TENM4: variants seen among roughly 807,000 people sequenced by gnomAD.
TENM4 encodes teneurin transmembrane protein 4, also known as teneurin-4.
In TENM4, 82 loss-of-function variants were observed where a neutral mutation model predicts 243.3. The observed-to-expected ratio is 0.34, with a 90% CI of 0.28 to 0.40. The LOEUF (loss-of-function observed/expected upper bound fraction) is 0.40, where lower values mean the gene tolerates loss of function less well. Among genes scored for constraint, TENM4 ranks in the 10% least tolerant of loss-of-function variants. The pLI is 1.00. For missense variants in TENM4, 3,138 were observed against 3,673.3 expected, an observed-to-expected ratio of 0.85 and a Z score of 3.77; for synonymous variants, 1,412 against 1,456.3, an observed-to-expected ratio of 0.97 and a Z score of 0.69.
chr11:78,995,931 A>G (rs1858162345), intron 6 of TENM4, among the ~76,000 whole-genome samples: 1 of 152,158 alleles, frequency 6.6e-6, no homozygotes, highest in Non-Finnish European at 1.5e-5. Flanking sequence ...AGTAAGACTC[A>G]TAAGAGATCA....
intron 12 of TENM4, among the ~76,000 whole-genome samples, chr11:78,818,922 T>C (rs1857665553): frequency 6.6e-6 from 1 of 151,414 alleles, no homozygotes; most frequent in African/African-American, 2.4e-5. Flanking sequence ...ATGGGGCCTT[T>C]CCCCCAGCTT....
At chr11:78,661,713 G>A in intron 32 of TENM4, 122 bp from the exon 33 acceptor site, 6 of 1,289,326 alleles carry the variant, frequency 4.7e-6, no homozygotes, top group Non-Finnish European at 6.4e-6. Flanking sequence ...GCTGCTGGTG[G>A]GAGAGTCAAC....
At chr11:79,394,524 T>C (rs1858301414) in intron 1 of TENM4, among the ~76,000 whole-genome samples, 1 of 152,230 alleles carries the variant, frequency 6.6e-6, no homozygotes, top group Non-Finnish European at 1.5e-5. Flanking sequence ...AATGCAATCA[T>C]CACTGTCGCA....
chr11:78,829,980 G>T (rs1857940921), intron 12 of TENM4, among the ~76,000 whole-genome samples: 1 of 152,190 alleles, frequency 6.6e-6, no homozygotes, highest in African/African-American at 2.4e-5. Context: ...ACACAGTACT[G>T]GCTTATATCA....
chr11:79,057,076 C>T (rs1859963251), intron 6 of TENM4, among the ~76,000 whole-genome samples: 1 of 152,216 alleles, frequency 6.6e-6, no homozygotes, highest in Non-Finnish European at 1.5e-5. Flanking sequence ...GCCCATTCCT[C>T]ACCTATGGCT....
intron 1 of TENM4, among the ~76,000 whole-genome samples, chr11:79,354,891 C>T (rs1857471221): frequency 6.6e-6 from 1 of 152,098 alleles, no homozygotes; most frequent in African/African-American, 2.4e-5. Context: ...TCTATGTGTG[C>T]AGTGTGTTGG....
intron 15 of TENM4, among the ~76,000 whole-genome samples, chr11:78,803,292 G>C (rs1348086595): frequency 1.3e-5 from 2 of 152,106 alleles, no homozygotes; most frequent in African/African-American, 2.4e-5. Context: ...GCCTCCCAAA[G>C]TGCTGGGATT....
chr11:79,309,658 A>T (rs527566077), intron 1 of TENM4, among the ~76,000 whole-genome samples: 1 of 152,346 alleles, frequency 6.6e-6, no homozygotes, highest in East Asian at 1.9e-4. Flanking sequence ...TCGGCTTCAT[A>T]CTGAGTTGCA....
chr11:79,011,814 A>T (rs1858649730), intron 6 of TENM4, among the ~76,000 whole-genome samples: 1 of 152,196 alleles, frequency 6.6e-6, no homozygotes, highest in Admixed American at 6.5e-5. Context: ...AAGAGTGTGA[A>T]ATTTCCTCAT....
In TENM4 at chr11:78,702,407, A is replaced by C; in HGVS notation, c.4210-4T>G. 6.2e-7 allele frequency: 1 copy of C among 1,606,180 alleles called. No homozygotes were observed. Among genetic ancestry groups the C allele is most frequent in the Non-Finnish European group, 8.5e-7 (1 of 1,175,682 alleles). On this transcript the variant is annotated splice_polypyrimidine_tract_variant and splice_region_variant and intron_variant, in intron 27 of 33. Coordinates refer to ENST00000278550, the MANE Select transcript of TENM4 (RefSeq NM_001098816.3). ...CTGTGGGCCACTCCAGGTGAACCTG[A>C]CAATGAAGACACCGATACTCAAATG...
chr11:79,123,870 C>T (rs1861801705), intron 4 of TENM4, among the ~76,000 whole-genome samples: 1 of 152,176 alleles, frequency 6.6e-6, no homozygotes, highest in South Asian at 2.1e-4. Flanking sequence ...CAGGCCTTCT[C>T]AGAGCCTTTA....
chr11:79,407,501 G>A (rs1858597831), intron 1 of TENM4, among the ~76,000 whole-genome samples: 1 of 152,196 alleles, frequency 6.6e-6, no homozygotes, highest in African/African-American at 2.4e-5. Context: ...GCAATACACA[G>A]ACTTGGAACC....
In TENM4 at chr11:79,179,667, T is replaced by C. The variant is rs189250336; in HGVS notation, c.-162-30861A>G. Among the ~76,000 whole-genome samples the C allele has an allele frequency of 3.7e-4, 56 of 151,912 alleles. No homozygotes were observed. The East Asian group carries it at 0.011, about 29-fold the overall frequency. On this transcript the variant is annotated intron_variant, in intron 3 of 33. Coordinates refer to ENST00000278550, the MANE Select transcript of TENM4 (RefSeq NM_001098816.3). ...AATTTATAAATAAAATTGCAAATAC[T>C]GAGGATGTGTACTCAAAAAACATTT...
In TENM4 at chr11:78,805,277, T is replaced by TGCCCCCCCCCCCACCCCCCC; in HGVS notation, c.2179+14_2179+15insGGGGGGGTGGGGGGGGGGGC. On this transcript the variant is annotated intron_variant, in intron 15 of 33. Coordinates refer to ENST00000278550, the MANE Select transcript of TENM4 (RefSeq NM_001098816.3). ...CCCCTCCCTCTACCCATGCTTCTTC[T>TGCCCCCCCCCCCACCCCCCC]CCCCCTGCATTTACCGATAGAACAG... is the stretch of plus-strand genomic sequence containing the variant. 7.1e-7 allele frequency: 1 copy of TGCCCCCCCCCCCACCCCCCC among 1,402,548 alleles called. No homozygotes were observed. 86.9% of individuals were successfully genotyped at this position (1,402,548 alleles called of 1,614,324 possible).
rs770093251 is a variant in TENM4, at chr11:79,349,264, G to A, written c.-320-51721C>T. On this transcript the variant is annotated intron_variant, in intron 1 of 33. Transcript: ENST00000278550. ...GATCCATCACTGAGTTCCACACCTAGGAAGTCTCTTAAATTAGGTTGTCAG... is the reference window on the plus strand; with the variant it reads ...GATCCATCACTGAGTTCCACACCTAAGAAGTCTCTTAAATTAGGTTGTCAG... 1.4e-4 allele frequency among the ~76,000 whole-genome samples: 22 copies of A among 152,078 alleles called. 1 individual carries two copies. The highest frequency in any genetic ancestry group is 3.3e-4 in the Admixed American group (5 of 15,276).
At chr11:78,925,167 AAAAC>A (rs1188445308) in intron 6 of TENM4, among the ~76,000 whole-genome samples, 1 of 152,190 alleles carries the variant, frequency 6.6e-6, no homozygotes, top group Non-Finnish European at 1.5e-5. Flanking sequence ...CCAACAAAAC[AAAAC>A]AGAGCAAAGA....
At position 79,140,006 on chromosome 11, in the gene TENM4, C is replaced by T. The variant is rs371978837; in HGVS notation, c.-66+8704G>A. On this transcript the variant is annotated intron_variant, in intron 4 of 33. Coordinates refer to ENST00000278550, the MANE Select transcript of TENM4 (RefSeq NM_001098816.3). ...CTCCTAGGTGACAGGCATTTCTTGC[C>T]TAGATGACTCTCAGGCATGGTCTCT... 1.6e-3 allele frequency among the ~76,000 whole-genome samples: 240 copies of T among 151,138 alleles called. 9 individuals carry two copies. In the South Asian group the frequency reaches 0.047, roughly 30 times the overall value.
At chr11:79,314,654 G>C (rs1856775938) in intron 1 of TENM4, among the ~76,000 whole-genome samples, 1 of 152,216 alleles carries the variant, frequency 6.6e-6, no homozygotes, top group South Asian at 2.1e-4. Context: ...TTATTTGTTA[G>C]ATGCTTTATG....
chr11:79,211,868 C>T (rs1473234792), intron 3 of TENM4, among the ~76,000 whole-genome samples: 1 of 152,082 alleles, frequency 6.6e-6, no homozygotes, highest in African/African-American at 2.4e-5. Flanking sequence ...AGCACAGGTG[C>T]TTTAGGGCAT....
Sources: gnomAD v4.1 joint callset for allele counts (sites outside exome capture counted in the v4.1 genomes callset) on GRCh38, gnomAD v4.1.1 for gene constraint, MANE v1.5 for transcripts, NCBI Gene and HGNC (gene_info 2026-07-23, HGNC 2026-07-21) for gene names.